GABRB1: variants seen among roughly 807,000 people sequenced by gnomAD.
GABRB1 encodes the protein gamma-aminobutyric acid type A receptor subunit beta1, also known as gamma-aminobutyric acid receptor subunit beta-1.
Under a neutral mutation model 51.6 loss-of-function variants are expected in GABRB1, and 17 were observed. The observed-to-expected ratio is 0.33, with a 90% confidence interval of 0.23 to 0.49. GABRB1 has a LOEUF of 0.49. Among genes scored for constraint, GABRB1 ranks in the 20% least tolerant of loss-of-function variants. GABRB1 has a pLI of 0.99. For synonymous variants in GABRB1, 247 were observed against 218.9 expected, an observed-to-expected ratio of 1.13 and a Z score of -1.14; for missense variants, 410 against 600.6, an observed-to-expected ratio of 0.68 and a Z score of 3.32.
At chr4:47,322,284 A>G (rs1444568727) in intron 5 of GABRB1, among the ~76,000 whole-genome samples, 1 of 152,216 alleles carries the variant, frequency 6.6e-6, no homozygotes, top group Non-Finnish European at 1.5e-5. Flanking sequence ...TAACTGAGAC[A>G]CTAAAATAAG....
chr4:47,312,163 T>C (rs1463930601), intron 4 of GABRB1, among the ~76,000 whole-genome samples: 1 of 152,036 alleles, frequency 6.6e-6, no homozygotes, highest in Non-Finnish European at 1.5e-5. Context: ...ATTTTAAAAT[T>C]AAATATCAAT....
intron 1 of GABRB1, 87 bp from the exon 2 acceptor site, chr4:47,031,827 T>G (rs1725315561): frequency 6.7e-7 from 1 of 1,491,604 alleles, no homozygotes. Flanking sequence ...TGTATCTTGT[T>G]GTTTGGGGGT....
intron 3 of GABRB1, among the ~76,000 whole-genome samples, chr4:47,112,490 C>T (rs555209738): frequency 6.6e-5 from 10 of 152,336 alleles, no homozygotes; most frequent in Admixed American, 2.0e-4. Context: ...GTTTGATTGT[C>T]AGGTTCACCA....
chr4:47,158,528 T>C (rs780414493), intron 3 of GABRB1, among the ~76,000 whole-genome samples: 5 of 152,110 alleles, frequency 3.3e-5, no homozygotes, highest in Non-Finnish European at 5.9e-5. Flanking sequence ...GCAGGTTTCA[T>C]TGTGAGGAAT....
intron 1 of GABRB1, among the ~76,000 whole-genome samples, chr4:47,015,405 T>C (rs1181567667): frequency 3.3e-5 from 5 of 152,218 alleles, no homozygotes; most frequent in African/African-American, 1.2e-4. Context: ...AGAGTAACTA[T>C]TATATATGTC....
chr4:47,243,377 T>C (rs1380732362), intron 4 of GABRB1, among the ~76,000 whole-genome samples: 1 of 152,234 alleles, frequency 6.6e-6, no homozygotes. Context: ...CGGGCTCTTT[T>C]TTGGTTCCAT....
intron 3 of GABRB1, among the ~76,000 whole-genome samples, chr4:47,099,656 C>T (rs1714636935): frequency 6.6e-6 from 1 of 152,038 alleles, no homozygotes; most frequent in Admixed American, 6.6e-5. Context: ...GCAAATGATG[C>T]TTCTCAGTCA....
chr4:47,134,272 A>G (rs182863533), intron 3 of GABRB1, among the ~76,000 whole-genome samples: 1 of 152,300 alleles, frequency 6.6e-6, no homozygotes, highest in East Asian at 1.9e-4. Context: ...GAAAAGAATT[A>G]GTGCTGTTTA....
At chr4:47,040,234 T>C (rs1725779722) in intron 3 of GABRB1, among the ~76,000 whole-genome samples, 1 of 152,148 alleles carries the variant, frequency 6.6e-6, no homozygotes, top group Non-Finnish European at 1.5e-5. Context: ...TCTGACAAAG[T>C]GTTTAAAGGC....
intron 4 of GABRB1, among the ~76,000 whole-genome samples, chr4:47,238,993 C>G (rs973556658): frequency 6.6e-6 from 1 of 152,164 alleles, no homozygotes; most frequent in Non-Finnish European, 1.5e-5. Context: ...TTATGGCTCA[C>G]AAAATTTTCA....
intron 4 of GABRB1, among the ~76,000 whole-genome samples, chr4:47,263,987 A>T (rs987897711): frequency 5.9e-5 from 9 of 151,976 alleles, no homozygotes; most frequent in South Asian, 2.1e-4. Context: ...AATAAAAAAA[A>T]AAAAATCAGC....
chr4:47,102,568 G>A (rs559472502), intron 3 of GABRB1, among the ~76,000 whole-genome samples: 1 of 152,122 alleles, frequency 6.6e-6, no homozygotes, highest in South Asian at 2.1e-4. Context: ...TGAAGCCTAA[G>A]TTGAGTCCTG....
chr4:47,400,930 T>G (rs866682966), intron 5 of GABRB1, among the ~76,000 whole-genome samples: 8,089 of 141,764 alleles, frequency 0.057, 223 homozygotes, highest in South Asian at 0.14. Context: ...TCTTTTTTTT[T>G]TTTTTTTTTT....
intron 5 of GABRB1, among the ~76,000 whole-genome samples, chr4:47,342,071 C>A (rs1319843688): frequency 6.6e-6 from 1 of 152,122 alleles, no homozygotes; most frequent in Non-Finnish European, 1.5e-5. Flanking sequence ...GACTAGTGTG[C>A]AGAAGTCTGA....
At chr4:47,203,152 C>T (rs1025302388) in intron 4 of GABRB1, among the ~76,000 whole-genome samples, 1 of 152,172 alleles carries the variant, frequency 6.6e-6, no homozygotes, top group African/African-American at 2.4e-5. Context: ...GTGTCAAAGA[C>T]AAGTCAGCCA....
intron 3 of GABRB1, among the ~76,000 whole-genome samples, chr4:47,152,467 A>C (rs1717501635): frequency 6.6e-6 from 1 of 151,976 alleles, no homozygotes; most frequent in Non-Finnish European, 1.5e-5. Context: ...AGCTCAAAAG[A>C]GTGAGTGACT....
chr4:47,209,534 C>T (rs879919346), intron 4 of GABRB1, among the ~76,000 whole-genome samples: 4 of 152,114 alleles, frequency 2.6e-5, no homozygotes, highest in African/African-American at 4.8e-5. Flanking sequence ...CATGTAACTA[C>T]AATAACACTC....
intron 1 of GABRB1, among the ~76,000 whole-genome samples, chr4:47,021,466 T>A (rs1338367102): frequency 6.6e-6 from 1 of 152,152 alleles, no homozygotes; most frequent in East Asian, 1.9e-4. Flanking sequence ...AGAGGAATCA[T>A]GATGAAGCTG....
At chr4:47,025,289 A>C (rs1428691910) in intron 1 of GABRB1, among the ~76,000 whole-genome samples, 1 of 151,758 alleles carries the variant, frequency 6.6e-6, no homozygotes, top group African/African-American at 2.4e-5. Context: ...ATCAAATGGT[A>C]GTTCTATTTT....
Sources: gnomAD v4.1 joint callset for allele counts (sites outside exome capture counted in the v4.1 genomes callset) on GRCh38, gnomAD v4.1.1 for gene constraint, MANE v1.5 for transcripts, NCBI Gene and HGNC (gene_info 2026-07-23, HGNC 2026-07-21) for gene names.